KCNN3: variants seen among roughly 807,000 people sequenced by gnomAD.
KCNN3 encodes the protein small conductance calcium-activated potassium channel protein 3.
Under a neutral mutation model 62.9 loss-of-function variants are expected in KCNN3, and 16 were observed. The ratio of observed to expected loss-of-function variants is 0.25; its 90% CI spans 0.17 to 0.39. The LOEUF is 0.39. Among genes scored for constraint, KCNN3 ranks in the 10% least tolerant of loss-of-function variants. The pLI is 1.00. For synonymous variants in KCNN3, 370 were observed against 389.2 expected, an observed-to-expected ratio of 0.95 and a Z score of 0.58; for missense variants, 599 against 949.4, an observed-to-expected ratio of 0.63 and a Z score of 4.85.
intron 2 of KCNN3, among the ~76,000 whole-genome samples, chr1:154,786,024 C>T (rs916341936): frequency 5.9e-5 from 9 of 152,202 alleles, no homozygotes; most frequent in African/African-American, 1.4e-4. Flanking sequence ...AGAGGCCACA[C>T]TCTCATCTAT....
At chr1:154,818,186 A>G (rs1650744823) in intron 2 of KCNN3, among the ~76,000 whole-genome samples, 1 of 152,126 alleles carries the variant, frequency 6.6e-6, no homozygotes, top group Admixed American at 6.5e-5. Context: ...GTGCTCCAAA[A>G]CGCCAACAGA....
intron 1 of KCNN3, among the ~76,000 whole-genome samples, chr1:154,835,416 C>G (rs1362880263): frequency 6.6e-6 from 1 of 152,204 alleles, no homozygotes; most frequent in Non-Finnish European, 1.5e-5. Flanking sequence ...GCCCTCTGCC[C>G]CCACACCTGC....
chr1:154,785,673 C>T (rs1204513974), intron 2 of KCNN3, among the ~76,000 whole-genome samples: 1 of 149,912 alleles, frequency 6.7e-6, no homozygotes, highest in East Asian at 2.0e-4. Flanking sequence ...ACCTCTGCCT[C>T]CTGGGTTCAA....
At chr1:154,732,589 T>C (rs1700619755) in intron 4 of KCNN3, among the ~76,000 whole-genome samples, 1 of 151,992 alleles carries the variant, frequency 6.6e-6, no homozygotes, top group Admixed American at 6.6e-5. Flanking sequence ...CTAAACATGA[T>C]CAGAAATGGT....
intron 1 of KCNN3, among the ~76,000 whole-genome samples, chr1:154,846,329 T>A (rs942839165): frequency 1.3e-5 from 2 of 152,134 alleles, no homozygotes; most frequent in Non-Finnish European, 2.9e-5. Flanking sequence ...ATGGGCTTAT[T>A]CTCCAAATCA....
Position 154,702,622 on chromosome 1 carries a change from A to G in KCNN3, c.*5354T>C, listed in dbSNP as rs1407938138. 1.3e-5 allele frequency: 2 copies of G among 148,234 alleles called. No homozygotes were observed. Among genetic ancestry groups the G allele is most frequent in the Admixed American group, 6.8e-5 (1 of 14,672 alleles). The allele number at this position is 148,234 out of a possible 1,614,324, so 9.2% of individuals were successfully genotyped here. A position where few individuals can be genotyped will look rare whatever the true frequency, so the allele number is the denominator to read the frequency against. The stretch of plus-strand genomic sequence containing the variant: ...GTTGAGATTCAAAAACTGAGACAAC[A>G]TGACACAGCTAGAGAATGTTGTTTA... On this transcript the variant is annotated 3_prime_UTR_variant, in exon 8 of 8. Transcript: ENST00000271915.
chr1:154,727,394 G>A (rs958162081), intron 4 of KCNN3, among the ~76,000 whole-genome samples: 1 of 152,204 alleles, frequency 6.6e-6, no homozygotes, highest in African/African-American at 2.4e-5. Context: ...ATCTATAACC[G>A]ACTTGGAAGG....
At chr1:154,746,862 G>A (rs1176130631) in intron 3 of KCNN3, among the ~76,000 whole-genome samples, 2 of 152,226 alleles carry the variant, frequency 1.3e-5, no homozygotes, top group Admixed American at 6.5e-5. Flanking sequence ...GGCATCAAAT[G>A]TCACCAGGCA....
At chr1:154,730,119 T>C (rs1700561209) in intron 4 of KCNN3, among the ~76,000 whole-genome samples, 2 of 152,214 alleles carry the variant, frequency 1.3e-5, no homozygotes, top group Non-Finnish European at 2.9e-5. Context: ...GGATACTAAA[T>C]ATTGACAGCT....
chr1:154,729,318 T>C (rs1700541411), intron 4 of KCNN3, among the ~76,000 whole-genome samples: 2 of 152,094 alleles, frequency 1.3e-5, no homozygotes, highest in Non-Finnish European at 2.9e-5. Context: ...CTGTCCAACT[T>C]CCAGTTCCAT....
intron 3 of KCNN3, among the ~76,000 whole-genome samples, chr1:154,759,972 T>C (rs1647923194): frequency 6.7e-6 from 1 of 149,624 alleles, no homozygotes; most frequent in Non-Finnish European, 1.5e-5. Flanking sequence ...TTATTTTATT[T>C]TCTCTCTCTC....
intron 2 of KCNN3, among the ~76,000 whole-genome samples, chr1:154,811,408 A>T (rs145606075): frequency 6.6e-6 from 1 of 152,356 alleles, no homozygotes; most frequent in East Asian, 1.9e-4. Flanking sequence ...TCACTGAACC[A>T]TATACTTAAA....
intron 2 of KCNN3, among the ~76,000 whole-genome samples, chr1:154,801,760 G>T (rs1032563822): frequency 6.6e-6 from 1 of 152,182 alleles, no homozygotes; most frequent in Non-Finnish European, 1.5e-5. Context: ...GCCAACAGCT[G>T]CAGGACCTGG....
intron 2 of KCNN3, among the ~76,000 whole-genome samples, chr1:154,814,574 C>T (rs80285095): frequency 0.026 from 3,974 of 152,218 alleles, 154 homozygotes; most frequent in African/African-American, 0.09. Flanking sequence ...TATGCTGAAA[C>T]CTAAAAGGCA....
At chr1:154,855,984 G>A (rs1333580650) in intron 1 of KCNN3, among the ~76,000 whole-genome samples, 7 of 152,052 alleles carry the variant, frequency 4.6e-5, no homozygotes, top group South Asian at 2.1e-4. Flanking sequence ...GCCTCCTCCC[G>A]CTGCCACCCA....
chr1:154,766,904 A>C (rs1324382719), intron 3 of KCNN3, among the ~76,000 whole-genome samples: 1 of 151,880 alleles, frequency 6.6e-6, no homozygotes, highest in East Asian at 1.9e-4. Flanking sequence ...GATGGTCTCG[A>C]TCTCCTGACC....
intron 1 of KCNN3, among the ~76,000 whole-genome samples, chr1:154,855,044 T>G (rs12089941): frequency 6.6e-6 from 1 of 151,582 alleles, no homozygotes; most frequent in African/African-American, 2.4e-5. Flanking sequence ...ATGGAGAAAC[T>G]TTGTCTCTAC....
chr1:154,771,916 C>A (rs747374979), intron 3 of KCNN3, 59 bp downstream of exon 3: 25 of 1,558,482 alleles, frequency 1.6e-5, no homozygotes, highest in Non-Finnish European at 2.1e-5. Context: ...CACCCCTACT[C>A]CTCCTCCCTT....
At chr1:154,793,437 C>T (rs1649600261) in intron 2 of KCNN3, among the ~76,000 whole-genome samples, 1 of 152,142 alleles carries the variant, frequency 6.6e-6, no homozygotes. Context: ...GGGAGGGTGG[C>T]AGACCCCAAT....
Sources: allele counts gnomAD v4.1 joint callset (sites outside exome capture counted in the v4.1 genomes callset), GRCh38; gene constraint gnomAD v4.1.1; transcripts MANE v1.5; gene names NCBI Gene and HGNC (gene_info 2026-07-23, HGNC 2026-07-21).